The following ZBTB16 variants were observed in gnomAD, a reference collection of about 807,000 sequenced individuals.
The protein encoded by ZBTB16 is zinc finger and BTB domain containing 16.
Under a neutral mutation model 56.8 loss-of-function variants are expected in ZBTB16, and 8 were observed. That is an observed-to-expected ratio of 0.14 (90% CI 0.08 to 0.25). The LOEUF (loss-of-function observed/expected upper bound fraction) is 0.25, where lower values mean the gene tolerates loss of function less well. Among genes scored for constraint, ZBTB16 ranks in the 10% least tolerant of loss-of-function variants. ZBTB16 has a pLI of 1.00. For synonymous variants in ZBTB16, 363 were observed against 368.5 expected (o/e 0.98, Z 0.17); for missense variants, 625 against 903.0 (o/e 0.69, Z 3.95).
intron 4 of ZBTB16, chr11:114,209,712 C>G: frequency 1.0e-6 from 1 of 985,436 alleles, no homozygotes; most frequent in Non-Finnish European, 1.2e-6. Flanking sequence ...AGAGAATCCT[C>G]AATTTCAGGC....
chr11:114,230,287 A>G (rs1370653229), intron 4 of ZBTB16, among the ~76,000 whole-genome samples: 1 of 152,178 alleles, frequency 6.6e-6, no homozygotes, highest in Non-Finnish European at 1.5e-5. Flanking sequence ...GGAGCCCTGA[A>G]TCAGGTGTAA....
chr11:114,099,952 G>A (rs1208699799), intron 2 of ZBTB16, among the ~76,000 whole-genome samples: 1 of 152,182 alleles, frequency 6.6e-6, no homozygotes, highest in Admixed American at 6.5e-5. Flanking sequence ...ACCCCAGTGT[G>A]TGTCCTCTGA....
At chr11:114,118,316 A>G (rs939788405) in intron 2 of ZBTB16, among the ~76,000 whole-genome samples, 14 of 152,096 alleles carry the variant, frequency 9.2e-5, no homozygotes, top group Non-Finnish European at 1.8e-4. Flanking sequence ...AGCTGGGACT[A>G]TAGGCACCTG....
chr11:114,154,613 G>T (rs575763760), intron 2 of ZBTB16, among the ~76,000 whole-genome samples: 2 of 152,186 alleles, frequency 1.3e-5, no homozygotes, highest in Non-Finnish European at 2.9e-5. Context: ...TCTATTTAGA[G>T]TTAAGAATGT....
chr11:114,172,850 AGTTTT>A (rs1943006318), intron 3 of ZBTB16, among the ~76,000 whole-genome samples: 1 of 152,136 alleles, frequency 6.6e-6, no homozygotes, highest in Non-Finnish European at 1.5e-5. Context: ...AGAAAAGACG[AGTTTT>A]GTTTTGTTTT....
chr11:114,251,573 C>T lies in ZBTB16; in HGVS notation c.*1018C>T, dbSNP rs1007740069. On this transcript the variant is annotated 3_prime_UTR_variant, in exon 7 of 7. Coordinates refer to ENST00000335953, the MANE Select transcript of ZBTB16 (RefSeq NM_006006.6). Reference sequence around the variant, plus strand: ...TGGATGTCTTTCTCTAGAGGGGTCCCACACCTGGAAAAGAGGACACCCAGC... The same window carrying T: ...TGGATGTCTTTCTCTAGAGGGGTCCTACACCTGGAAAAGAGGACACCCAGC... Among the ~76,000 whole-genome samples the T allele has an allele frequency of 6.6e-6, 1 of 152,164 alleles. No individual in the cohort carries two copies. The highest frequency in any genetic ancestry group is 2.4e-5 in the African/African-American group (1 of 41,420).
At chr11:114,180,334 G>T (rs1416146131) in intron 3 of ZBTB16, among the ~76,000 whole-genome samples, 2 of 152,170 alleles carry the variant, frequency 1.3e-5, no homozygotes, top group African/African-American at 4.8e-5. Flanking sequence ...TCACAACTGG[G>T]TACCTGGAAT....
At position 114,063,167 on chromosome 11, in the gene ZBTB16, T is replaced by C. The variant is rs1295245722; in HGVS notation, c.-90-44T>C. ...TAGGGACACTGATGAATTTGTCTTT[T>C]GTTCTCTCATCTCTTTTGCTTCTTC... On this transcript the variant is annotated intron_variant, in intron 1 of 6. Coordinates refer to ENST00000335953, the MANE Select transcript of ZBTB16 (RefSeq NM_006006.6). The surrounding 1 kb of genome is among the most constrained non-coding windows in gnomAD (Gnocchi z 6.5). The C allele has an allele frequency of 1.3e-5, 13 of 986,500 alleles. No homozygotes were observed. The East Asian group carries it at 3.1e-4, about 24-fold the overall frequency. The allele number at this position is 986,500 out of a possible 1,614,324, so 61.1% of individuals were successfully genotyped here.
intron 3 of ZBTB16, among the ~76,000 whole-genome samples, chr11:114,173,773 T>G (rs1943034214): frequency 6.6e-6 from 1 of 152,214 alleles, no homozygotes; most frequent in Non-Finnish European, 1.5e-5. Flanking sequence ...GACTTTTTGG[T>G]GAACTGAAGG....
At chr11:114,174,802 A>G (rs1015352644) in intron 3 of ZBTB16, among the ~76,000 whole-genome samples, 2 of 152,178 alleles carry the variant, frequency 1.3e-5, no homozygotes, top group African/African-American at 4.8e-5. Context: ...CCTGTAGATG[A>G]GAGCTTCTCT....
intron 4 of ZBTB16, among the ~76,000 whole-genome samples, chr11:114,213,444 C>T (rs967282687): frequency 2.6e-5 from 4 of 152,166 alleles, no homozygotes; most frequent in African/African-American, 9.7e-5. Context: ...TTCCCATTCA[C>T]ATTAAATTAG....
intron 2 of ZBTB16, among the ~76,000 whole-genome samples, chr11:114,086,523 G>T (rs1939963204): frequency 6.6e-6 from 1 of 152,178 alleles, no homozygotes; most frequent in Non-Finnish European, 1.5e-5. Context: ...GTTCCATGAG[G>T]ATAGTGATTG....
intron 4 of ZBTB16, among the ~76,000 whole-genome samples, chr11:114,193,596 A>G (rs1448732837): frequency 6.6e-6 from 1 of 152,152 alleles, no homozygotes; most frequent in Non-Finnish European, 1.5e-5. Context: ...TCAATGAGAG[A>G]ATACAGTCTG....
intron 3 of ZBTB16, among the ~76,000 whole-genome samples, chr11:114,167,124 G>A (rs886733560): frequency 1.3e-5 from 2 of 151,640 alleles, no homozygotes; most frequent in Admixed American, 6.6e-5. Context: ...CCACTGGCTT[G>A]CGGGTGTTTT....
At position 114,173,892 on chromosome 11, in the gene ZBTB16, T is replaced by C. The variant is rs75499471; in HGVS notation, c.1367-13060T>C. Among the ~76,000 whole-genome samples the C allele has an allele frequency of 4.2e-3, 642 of 152,338 alleles. 5 individuals carry two copies. The highest frequency in any genetic ancestry group is 0.015 in the African/African-American group (614 of 41,570). On this transcript the variant is annotated intron_variant, in intron 3 of 6. Transcript: ENST00000335953. ...AATGCAACTGATTGTCTTTTTATGA[T>C]AGAACATCTTGCTTGCTTAGAAGTC... is the stretch of plus-strand genomic sequence containing the variant.
At chr11:114,161,000 C>T (rs1240214500) in intron 3 of ZBTB16, among the ~76,000 whole-genome samples, 1 of 152,150 alleles carries the variant, frequency 6.6e-6, no homozygotes, top group Non-Finnish European at 1.5e-5. Flanking sequence ...ACTCTGAAAC[C>T]TCCCTCCTCA....
At chr11:114,237,304 G>A (rs1277548320) in intron 4 of ZBTB16, 2 of 152,238 alleles carry the variant, frequency 1.3e-5, no homozygotes, top group African/African-American at 4.8e-5. Flanking sequence ...GGAGCAAATG[G>A]ATCTGGTGAA....
chr11:114,238,791 ATCTGCTCTGACATTTGCCAGTGGTGTCTC>A (rs1176283392), intron 4 of ZBTB16, among the ~76,000 whole-genome samples: 5 of 152,106 alleles, frequency 3.3e-5, no homozygotes, highest in African/African-American at 1.2e-4. Flanking sequence ...CCTTGGCCCC[ATCTGCTCTGACATTTGCCAGTGGTGTCTC>A]TCTCCTTAGC....
intron 4 of ZBTB16, among the ~76,000 whole-genome samples, chr11:114,240,321 C>G (rs1944676075): frequency 6.6e-6 from 1 of 152,182 alleles, no homozygotes; most frequent in Non-Finnish European, 1.5e-5. Context: ...CTCTCACTTG[C>G]TATCTCCATT....
Sources: gnomAD v4.1 joint callset for allele counts (sites outside exome capture counted in the v4.1 genomes callset) on GRCh38, gnomAD v4.1.1 for gene constraint, Gnocchi (gnomAD v3.1) non-coding constraint, MANE v1.5 for transcripts, NCBI Gene and HGNC (gene_info 2026-07-23, HGNC 2026-07-21) for gene names.